The following PRR16 variants were observed in gnomAD, a reference collection of about 807,000 sequenced individuals.
The protein encoded by PRR16 is proline rich 16, also known as protein Largen.
Under a neutral mutation model 18.2 loss-of-function variants are expected in PRR16, and 6 were observed. The observed-to-expected ratio is 0.33, with a 90% CI of 0.18 to 0.65. The LOEUF is 0.65. PRR16 is among the 30% of genes least tolerant of loss of function. The pLI, the probability that PRR16 is intolerant of heterozygous loss-of-function variation, is 0.74. For synonymous variants in PRR16, 151 were observed against 147.8 expected (o/e 1.02, Z -0.16); for missense variants, 412 against 376.6 (o/e 1.09, Z -0.78).
the PRR16 span, among the ~76,000 whole-genome samples, chr5:120,704,463 A>G: frequency 6.6e-6 from 1 of 152,180 alleles, no homozygotes; most frequent in Non-Finnish European, 1.5e-5. Context: ...TATTTTCCAG[A>G]TGGAGAGATG....
chr5:120,737,849 G>A, the PRR16 span, among the ~76,000 whole-genome samples: 1 of 151,816 alleles, frequency 6.6e-6, no homozygotes, highest in Non-Finnish European at 1.5e-5. Context: ...GTCTTGATAG[G>A]TTGTATTTCT....
At chr5:120,474,933 A>G (rs866475966) in intron 1 of PRR16, among the ~76,000 whole-genome samples, 103 of 152,186 alleles carry the variant, frequency 6.8e-4, no homozygotes, top group African/African-American at 2.3e-3. Context: ...TCATCCATCA[A>G]TTAGTCTTAT....
the PRR16 span, among the ~76,000 whole-genome samples, chr5:120,765,633 A>G: frequency 6.6e-6 from 1 of 151,976 alleles, no homozygotes; most frequent in African/African-American, 2.4e-5. Context: ...TTGAATTGCA[A>G]TATGTATACA....
chr5:120,767,093 A>AG, the PRR16 span, among the ~76,000 whole-genome samples: 1 of 151,996 alleles, frequency 6.6e-6, no homozygotes, highest in Non-Finnish European at 1.5e-5. Context: ...TTTTGGGAAC[A>AG]GATGGTCACA....
At chr5:120,507,003 T>C (rs559125145) in intron 1 of PRR16, among the ~76,000 whole-genome samples, 1 of 152,240 alleles carries the variant, frequency 6.6e-6, no homozygotes, top group East Asian at 1.9e-4. Flanking sequence ...GGGAAGTAAA[T>C]TTAATGTCTA....
At chr5:120,680,373 C>G (rs1756933547) in intron 1 of PRR16, among the ~76,000 whole-genome samples, 1 of 152,000 alleles carries the variant, frequency 6.6e-6, no homozygotes, top group Non-Finnish European at 1.5e-5. Flanking sequence ...TGAGATTTAT[C>G]CCTGCTGATA....
intron 1 of PRR16, among the ~76,000 whole-genome samples, chr5:120,530,722 A>T (rs776755036): frequency 6.6e-6 from 1 of 152,076 alleles, no homozygotes; most frequent in Non-Finnish European, 1.5e-5. Flanking sequence ...GGAGATGGGT[A>T]AGAGAAAGGG....
chr5:120,482,477 T>G (rs1344981466), intron 1 of PRR16, among the ~76,000 whole-genome samples: 1 of 152,218 alleles, frequency 6.6e-6, no homozygotes, highest in Non-Finnish European at 1.5e-5. Context: ...TTGTTATGAC[T>G]GTATAGTATT....
the PRR16 span, among the ~76,000 whole-genome samples, chr5:120,767,770 A>G: frequency 1.3e-5 from 2 of 151,828 alleles, no homozygotes; most frequent in Admixed American, 6.6e-5. Context: ...AGATATGGCA[A>G]TCTTGAATAT....
intron 1 of PRR16, among the ~76,000 whole-genome samples, chr5:120,494,671 A>G (rs1379453423): frequency 6.6e-6 from 1 of 152,158 alleles, no homozygotes; most frequent in Admixed American, 6.6e-5. Context: ...GGTGTTAAGT[A>G]TAAGAACCTA....
chr5:120,672,394 G>C (rs1359340357), intron 1 of PRR16, among the ~76,000 whole-genome samples: 1 of 151,828 alleles, frequency 6.6e-6, no homozygotes, highest in African/African-American at 2.4e-5. Flanking sequence ...AGTGTGGAGT[G>C]AGGATGGGTG....
chr5:120,682,866 G>A (rs568223406), intron 1 of PRR16, among the ~76,000 whole-genome samples: 1 of 152,250 alleles, frequency 6.6e-6, no homozygotes, highest in East Asian at 1.9e-4. Flanking sequence ...CACTTAAACT[G>A]AAGAAATAAC....
the PRR16 span, among the ~76,000 whole-genome samples, chr5:120,739,477 T>C: frequency 2.0e-5 from 3 of 152,162 alleles, no homozygotes; most frequent in African/African-American, 7.2e-5. Context: ...ACAAAGACAG[T>C]TGCCATGTCT....
chr5:120,494,953 G>T (rs1162999659), intron 1 of PRR16, among the ~76,000 whole-genome samples: 1 of 152,032 alleles, frequency 6.6e-6, no homozygotes, highest in South Asian at 2.1e-4. Flanking sequence ...CTGTGTGTCT[G>T]TCCTTCTGCT....
the PRR16 span, among the ~76,000 whole-genome samples, chr5:120,724,161 T>C: frequency 2.6e-5 from 4 of 152,086 alleles, no homozygotes; most frequent in Non-Finnish European, 5.9e-5. Context: ...TCTTAGGTTC[T>C]CTTCCCTGCA....
chr5:120,751,888 C>T, the PRR16 span, among the ~76,000 whole-genome samples: 1 of 152,090 alleles, frequency 6.6e-6, no homozygotes, highest in South Asian at 2.1e-4. Flanking sequence ...CTGGAATATT[C>T]ATTTAAGTTT....
chr5:120,638,581 C>T (rs1272815192), intron 1 of PRR16, among the ~76,000 whole-genome samples: 4 of 152,108 alleles, frequency 2.6e-5, no homozygotes, highest in African/African-American at 9.7e-5. Flanking sequence ...TGAGGTAGCT[C>T]TTTCTCAAAG....
At chr5:120,506,969 G>A (rs1420876792) in intron 1 of PRR16, among the ~76,000 whole-genome samples, 1 of 152,056 alleles carries the variant, frequency 6.6e-6, no homozygotes, top group African/African-American at 2.4e-5. Flanking sequence ...AATAGAAGAA[G>A]GCAAGGCAAC....
chr5:120,529,140 A>G lies in PRR16; in HGVS notation c.159+64495A>G, dbSNP rs114923485. ...CCATTGATGAAGAACAAGGCAACCAATCTTCACTATATTTGCTTTTCTCTT... is the reference window on the plus strand; with the variant it reads ...CCATTGATGAAGAACAAGGCAACCAGTCTTCACTATATTTGCTTTTCTCTT... On this transcript the variant is annotated intron_variant, in intron 1 of 1. Transcript: ENST00000407149. Among the ~76,000 whole-genome samples, 164 of 152,300 alleles carry G rather than the reference A, an allele frequency of 1.1e-3. 1 individual carries two copies. Among genetic ancestry groups the G allele is most frequent in the African/African-American group, 3.8e-3 (159 of 41,574 alleles).
Sources: allele counts gnomAD v4.1 joint callset (sites outside exome capture counted in the v4.1 genomes callset), GRCh38; gene constraint gnomAD v4.1.1; transcripts MANE v1.5; gene names NCBI Gene and HGNC (gene_info 2026-07-23, HGNC 2026-07-21).